ANK3: variants seen among roughly 807,000 people sequenced by gnomAD.
ANK3 encodes ankyrin-3.
A neutral mutation model predicts 370.9 loss-of-function variants in ANK3; 57 were observed. The observed-to-expected ratio is 0.15, with a 90% confidence interval of 0.12 to 0.19. ANK3 has a LOEUF of 0.19. Among genes scored for constraint, ANK3 ranks in the 10% least tolerant of loss-of-function variants. The pLI is 1.00. For missense variants in ANK3, 4,439 were observed against 5,302.1 expected, an observed-to-expected ratio of 0.84 and a Z score of 5.06; for synonymous variants, 1,929 against 1,946.3, an observed-to-expected ratio of 0.99 and a Z score of 0.23.
At chr10:60,414,737 C>A (rs956875892) in intron 2 of ANK3, among the ~76,000 whole-genome samples, 1 of 152,176 alleles carries the variant, frequency 6.6e-6, no homozygotes, top group Non-Finnish European at 1.5e-5. Context: ...ATGGTTCCAT[C>A]GCTTTTTTTG....
At chr10:60,727,088 C>T (rs1399528462) in intron 1 of ANK3, among the ~76,000 whole-genome samples, 1 of 152,052 alleles carries the variant, frequency 6.6e-6, no homozygotes, top group Non-Finnish European at 1.5e-5. Flanking sequence ...TACATACTAA[C>T]CTTAGATCCT....
intron 1 of ANK3, among the ~76,000 whole-genome samples, chr10:60,354,211 T>C (rs1192666923): frequency 3.9e-5 from 6 of 152,232 alleles, no homozygotes; most frequent in Non-Finnish European, 8.8e-5. Flanking sequence ...GCATGGCACA[T>C]CTGCCACAAG....
chr10:60,508,473 C>A (rs974461126), intron 2 of ANK3: 2 of 152,592 alleles, frequency 1.3e-5, no homozygotes, highest in African/African-American at 2.4e-5. Context: ...CCAGCACTTA[C>A]CCTCTCTCTT....
chr10:60,041,118 A>C (rs1021028719), intron 43 of ANK3, among the ~76,000 whole-genome samples: 1 of 152,192 alleles, frequency 6.6e-6, no homozygotes, highest in Non-Finnish European at 1.5e-5. Flanking sequence ...CTCACTGCCA[A>C]GCTAGCTTCT....
intron 23 of ANK3, chr10:60,145,885 T>C: frequency 1.4e-6 from 1 of 694,026 alleles, no homozygotes; most frequent in Non-Finnish European, 2.6e-6. Flanking sequence ...AGGTGCTCAA[T>C]AAATGTGGAA....
chr10:60,545,402 G>A (rs112702384), intron 2 of ANK3, among the ~76,000 whole-genome samples: 1 of 150,776 alleles, frequency 6.6e-6, no homozygotes, highest in Non-Finnish European at 1.5e-5. Flanking sequence ...GTTTTGTGAA[G>A]GTACTTCCAG....
intron 1 of ANK3, among the ~76,000 whole-genome samples, chr10:60,341,614 G>A (rs1329015522): frequency 2.0e-5 from 3 of 152,090 alleles, no homozygotes; most frequent in African/African-American, 4.8e-5. Context: ...CCACTTATGT[G>A]CCTGTCCATT....
chr10:60,608,195 T>C (rs757912513), intron 2 of ANK3, among the ~76,000 whole-genome samples: 11 of 152,178 alleles, frequency 7.2e-5, no homozygotes, highest in Non-Finnish European at 1.2e-4. Flanking sequence ...TGAGTTAACA[T>C]CATATAGCAC....
At chr10:60,564,800 A>G (rs949349909) in intron 2 of ANK3, among the ~76,000 whole-genome samples, 4 of 152,206 alleles carry the variant, frequency 2.6e-5, no homozygotes, top group Admixed American at 2.0e-4. Flanking sequence ...AACACAAACC[A>G]TAAACACTAG....
intron 2 of ANK3, among the ~76,000 whole-genome samples, chr10:60,442,423 A>C (rs1165345108): frequency 6.6e-6 from 1 of 152,058 alleles, no homozygotes; most frequent in Non-Finnish European, 1.5e-5. Context: ...AAATCATCTC[A>C]AGATTATTTA....
At chr10:60,708,484 G>C (rs1344376344) in intron 1 of ANK3, among the ~76,000 whole-genome samples, 2 of 152,132 alleles carry the variant, frequency 1.3e-5, no homozygotes, top group Non-Finnish European at 1.5e-5. Context: ...TTACCTCCAA[G>C]AGCCCCACAA....
At chr10:60,727,442 A>G (rs1029705626) in intron 1 of ANK3, among the ~76,000 whole-genome samples, 1 of 152,170 alleles carries the variant, frequency 6.6e-6, no homozygotes, top group Non-Finnish European at 1.5e-5. Flanking sequence ...TTAACTGGAA[A>G]AGAACTCAAG....
chr10:60,380,163 G>A (rs2061370706), intron 1 of ANK3, among the ~76,000 whole-genome samples: 1 of 152,112 alleles, frequency 6.6e-6, no homozygotes, highest in Non-Finnish European at 1.5e-5. Context: ...AAAGTCATTT[G>A]AAGTTGAGTC....
intron 8 of ANK3, among the ~76,000 whole-genome samples, chr10:60,218,097 CTTTTTTTT>C (rs199989242): frequency 1.3e-4 from 16 of 126,166 alleles, no homozygotes; most frequent in Middle Eastern, 4.2e-3. Flanking sequence ...CTTTTTCTTT[CTTTTTTTT>C]TTTTTTTTTT....
intron 1 of ANK3, among the ~76,000 whole-genome samples, chr10:60,359,117 C>A (rs947604890): frequency 4.6e-5 from 7 of 152,108 alleles, no homozygotes; most frequent in South Asian, 2.1e-4. Flanking sequence ...ACTACTGTAA[C>A]CCTGGTGTGT....
chr10:60,166,779 C>G (rs1376997592), intron 22 of ANK3, 45 bp downstream of exon 22: 1 of 1,598,842 alleles, frequency 6.3e-7, no homozygotes, highest in Non-Finnish European at 8.6e-7. Context: ...AAACAAAATA[C>G]ACAGTCACTT....
In ANK3 at chr10:60,072,609, C is replaced by T. The variant is rs150537210; in HGVS notation, c.8272G>A (p.Val2758Ile). The T allele has an allele frequency of 3.2e-5, 51 of 1,613,888 alleles. 1 individual carries two copies. The highest frequency in any genetic ancestry group is 2.2e-4 in the South Asian group (20 of 91,050). ...TTTTCTCTAGCAAAAACTTGGTAGA[C>T]GGGTAGCTTGCTCTCCTGTATTTTT... ...VKKIQESKLP[V>I]YQVFAREKQQ... Residue 2758 changes from valine (V) to isoleucine (I), a missense_variant, in exon 37 of 44, where the codon GTC becomes ATC. Around this residue, in one of 13 missense-constraint regions of ANK3, gnomAD observed 1,601 missense variants for 1,731.7 expected, o/e 0.92. Coordinates refer to ENST00000280772, the MANE Select transcript of ANK3 (RefSeq NM_020987.5).
chr10:60,483,059 T>G (rs1452098080), intron 2 of ANK3, among the ~76,000 whole-genome samples: 1 of 152,232 alleles, frequency 6.6e-6, no homozygotes, highest in African/African-American at 2.4e-5. Flanking sequence ...ATACATTATC[T>G]TGTTTAATCC....
intron 1 of ANK3, among the ~76,000 whole-genome samples, chr10:60,389,057 C>A (rs2062824513): frequency 6.6e-6 from 1 of 152,158 alleles, no homozygotes; most frequent in Non-Finnish European, 1.5e-5. Context: ...AAGCCTGGTT[C>A]TCTGGCCTCT....
Sources: gnomAD v4.1 joint callset for allele counts (sites outside exome capture counted in the v4.1 genomes callset) on GRCh38, gnomAD v4.1.1 for gene constraint, gnomAD v4.1.1 regional missense constraint, MANE v1.5 for transcripts, NCBI Gene and HGNC (gene_info 2026-07-23, HGNC 2026-07-21) for gene names.